BCAT1: variants seen among roughly 807,000 people sequenced by gnomAD.
BCAT1 encodes branched-chain-amino-acid aminotransferase, cytosolic.
A neutral mutation model predicts 52.4 loss-of-function variants in BCAT1; 48 were observed. The ratio of observed to expected loss-of-function variants is 0.92; its 90% CI spans 0.73 to 1.16. The LOEUF is 1.16. Among genes scored for constraint, BCAT1 ranks in the 50% most tolerant of loss-of-function variants. The pLI, the probability that BCAT1 is intolerant of heterozygous loss-of-function variation, is 0.00. For synonymous variants in BCAT1, 167 were observed against 161.3 expected (o/e 1.04, Z -0.27); for missense variants, 451 against 457.1 (o/e 0.99, Z 0.12).
chr12:24,879,380 A>G (rs1045952138), intron 4 of BCAT1, among the ~76,000 whole-genome samples: 7 of 151,696 alleles, frequency 4.6e-5, no homozygotes, highest in African/African-American at 1.2e-4. Context: ...ATTTCTAAAG[A>G]AAAAAAAATT....
At chr12:24,892,345 A>G (rs185148981) in intron 3 of BCAT1, among the ~76,000 whole-genome samples, 37 of 152,232 alleles carry the variant, frequency 2.4e-4, no homozygotes, top group African/African-American at 7.9e-4. Flanking sequence ...GACCACCAAA[A>G]TCTTTTTTAA....
In BCAT1 at chr12:24,829,876, C is replaced by T. The variant is rs748955974; in HGVS notation, c.1066G>A (p.Glu356Lys). ...CGGCTTGCCAGCTTAGGACCATTCT[C>T]CATAGTTGGAATGTGTATTGTCTAC... ...KGETIHIPTM[E>K]NGPKLASRIL... Residue 356 changes from glutamate (E) to lysine (K), a missense_variant, in exon 10 of 11, where the codon GAG (glutamate) becomes AAG (lysine). Physicochemically the swap from Glu to Lys is moderately conservative, Grantham distance 56. Coordinates refer to ENST00000261192, the MANE Select transcript of BCAT1 (RefSeq NM_005504.7). The T allele has an allele frequency of 6.8e-6, 11 of 1,610,728 alleles. 1 individual carries two copies. In the Middle Eastern group the frequency reaches 5.0e-4, roughly 73 times the overall value.
chr12:24,844,344 T>A (rs1195153383), intron 6 of BCAT1, among the ~76,000 whole-genome samples: 3 of 151,932 alleles, frequency 2.0e-5, no homozygotes, highest in Non-Finnish European at 4.4e-5. Context: ...GGCAGGAGAA[T>A]TGCTTGAACT....
intron 2 of BCAT1, among the ~76,000 whole-genome samples, chr12:24,900,859 A>G (rs1379647509): frequency 6.6e-6 from 1 of 152,196 alleles, no homozygotes; most frequent in Non-Finnish European, 1.5e-5. Flanking sequence ...TGAACCTGGG[A>G]GGCAGAGATT....
chr12:24,894,529 C>G, intron 2 of BCAT1, 54 bp from the exon 3 acceptor site: 1 of 1,399,674 alleles, frequency 7.1e-7, no homozygotes, highest in East Asian at 2.5e-5. Flanking sequence ...CATTCGCTGG[C>G]TAGATTATAC....
At chr12:24,887,648 G>T (rs1942721123) in intron 3 of BCAT1, among the ~76,000 whole-genome samples, 1 of 152,152 alleles carries the variant, frequency 6.6e-6, no homozygotes. Flanking sequence ...TATCTGGATG[G>T]CAAATATGAG....
chr12:24,925,906 A>G (rs376295386), intron 1 of BCAT1, among the ~76,000 whole-genome samples: 21 of 152,036 alleles, frequency 1.4e-4, no homozygotes, highest in Admixed American at 1.0e-3. Flanking sequence ...ATGTTGCCCA[A>G]GCTGGAGTGT....
chr12:24,901,184 ACT>A (rs891338897), intron 2 of BCAT1, among the ~76,000 whole-genome samples: 3 of 152,108 alleles, frequency 2.0e-5, no homozygotes, highest in African/African-American at 7.2e-5. Flanking sequence ...TCATTAGGAC[ACT>A]CTGTGTCAAT....
intron 1 of BCAT1, among the ~76,000 whole-genome samples, chr12:24,940,782 G>A (rs1476826271): frequency 1.3e-5 from 2 of 152,128 alleles, no homozygotes; most frequent in East Asian, 1.9e-4. Flanking sequence ...CCTATTTCTC[G>A]AGGCATTTAA....
chr12:24,815,692 T>C lies in BCAT1; in HGVS notation c.*2316A>G, dbSNP rs1452038829. 1 of 152,186 alleles carries C rather than the reference T, an allele frequency of 6.6e-6. No individual in the cohort carries two copies. Among genetic ancestry groups the C allele is most frequent in the East Asian group, 1.9e-4 (1 of 5,204 alleles). 9.4% of individuals were successfully genotyped at this position (152,186 alleles called of 1,614,324 possible). ...TCCTTATCAGGAGACCTCCAGTTTT[T>C]AAACATCTATCCTTAGTTTTCACTG... is the stretch of plus-strand genomic sequence containing the variant. On this transcript the variant is annotated 3_prime_UTR_variant, in exon 11 of 11. Transcript: ENST00000261192.
intron 5 of BCAT1, among the ~76,000 whole-genome samples, chr12:24,857,821 G>C (rs911365261): frequency 6.6e-6 from 1 of 152,182 alleles, no homozygotes; most frequent in Non-Finnish European, 1.5e-5. Context: ...TGCATTATGG[G>C]AGAGCTTTTA....
chr12:24,890,071 A>G (rs1424001108), intron 3 of BCAT1, among the ~76,000 whole-genome samples: 1 of 152,218 alleles, frequency 6.6e-6, no homozygotes, highest in African/African-American at 2.4e-5. Flanking sequence ...ACTTTGCAGT[A>G]TCCTTTATAA....
chr12:24,921,502 ATGGAAACTCTT>A (rs1943499979), intron 1 of BCAT1, among the ~76,000 whole-genome samples: 1 of 152,214 alleles, frequency 6.6e-6, no homozygotes, highest in Non-Finnish European at 1.5e-5. Context: ...AAAAACTGCT[ATGGAAACTCTT>A]TTTCACCAAT....
chr12:24,870,944 A>G (rs1942169371), intron 5 of BCAT1, among the ~76,000 whole-genome samples: 1 of 152,162 alleles, frequency 6.6e-6, no homozygotes, highest in African/African-American at 2.4e-5. Context: ...AATCGCTTGA[A>G]TTTGGGAGGT....
chr12:24,912,363 C>CA (rs1024779840), intron 1 of BCAT1, among the ~76,000 whole-genome samples: 6 of 151,772 alleles, frequency 4.0e-5, no homozygotes, highest in African/African-American at 9.7e-5. Context: ...AAAAGAAATA[C>CA]AAAAAAATTA....
At chr12:24,901,651 C>A (rs1231158750) in intron 2 of BCAT1, among the ~76,000 whole-genome samples, 163 bp downstream of exon 2, 1 of 152,234 alleles carries the variant, frequency 6.6e-6, no homozygotes, top group Non-Finnish European at 1.5e-5. Flanking sequence ...CTGTCACTCT[C>A]TAAATGGCTT....
chr12:24,865,445 G>C (rs924465388), intron 5 of BCAT1, among the ~76,000 whole-genome samples: 10 of 152,016 alleles, frequency 6.6e-5, no homozygotes, highest in African/African-American at 2.4e-4. Context: ...ATGCAACAGG[G>C]GATATAACTA....
chr12:24,846,656 G>T (rs1275715515), intron 6 of BCAT1, among the ~76,000 whole-genome samples: 1 of 152,198 alleles, frequency 6.6e-6, no homozygotes. Context: ...TTTACTACAG[G>T]TTGAGGATCC....
intron 10 of BCAT1, among the ~76,000 whole-genome samples, chr12:24,824,373 A>G (rs185092039): frequency 6.7e-6 from 1 of 150,126 alleles, no homozygotes; most frequent in Admixed American, 6.7e-5. Flanking sequence ...ATCATAGCCC[A>G]CTGCAGTCTC....
Sources: gnomAD v4.1 joint callset for allele counts (sites outside exome capture counted in the v4.1 genomes callset) on GRCh38, gnomAD v4.1.1 for gene constraint, MANE v1.5 for transcripts, NCBI Gene and HGNC (gene_info 2026-07-23, HGNC 2026-07-21) for gene names.